The following DENND11 variants were observed in gnomAD, a reference collection of about 807,000 sequenced individuals.
DENND11 encodes DENN domain containing 11.
DENND11 carries 34 observed loss-of-function variants against 49.2 expected under a neutral mutation model. That is an observed-to-expected ratio of 0.69 (90% confidence interval 0.53 to 0.92). The LOEUF (loss-of-function observed/expected upper bound fraction) is 0.92, where lower values mean the gene tolerates loss of function less well. Among genes scored for constraint, DENND11 ranks in the 40% least tolerant of loss-of-function variants. The probability of loss-of-function intolerance (pLI) is 0.00; values close to 1 mark genes in which losing one functional copy is unlikely to be tolerated. For missense variants in DENND11, 475 were observed against 581.6 expected (o/e 0.82, Z 1.88); for synonymous variants, 238 against 230.3 (o/e 1.03, Z -0.30).
intron 3 of DENND11, among the ~76,000 whole-genome samples, chr7:141,675,543 G>C (rs1313429986): frequency 1.3e-5 from 2 of 152,108 alleles, no homozygotes; most frequent in African/African-American, 4.8e-5. Flanking sequence ...CTGAGCAAGG[G>C]AAACATCCCT....
chr7:141,679,832 C>T (rs1798122174), intron 3 of DENND11, among the ~76,000 whole-genome samples: 1 of 151,956 alleles, frequency 6.6e-6, no homozygotes, highest in South Asian at 2.1e-4. Flanking sequence ...AGGTGCTTAA[C>T]CTCACTTATA....
chr7:141,700,751 CTG>C (rs1165599357), intron 1 of DENND11, among the ~76,000 whole-genome samples: 1 of 152,130 alleles, frequency 6.6e-6, no homozygotes, highest in African/African-American at 2.4e-5. Context: ...CACATTCTTC[CTG>C]TGTCCTACAG....
At chr7:141,697,728 CCTCCATCAT>C (rs1183032365) in intron 1 of DENND11, among the ~76,000 whole-genome samples, 2 of 152,074 alleles carry the variant, frequency 1.3e-5, no homozygotes, top group Admixed American at 6.5e-5. Flanking sequence ...TCTCACTGGG[CCTCCATCAT>C]CTCCATTGTT....
intron 1 of DENND11, among the ~76,000 whole-genome samples, chr7:141,694,890 C>T (rs908860623): frequency 3.3e-5 from 5 of 152,170 alleles, no homozygotes; most frequent in African/African-American, 1.2e-4. Flanking sequence ...GCACCTCTAG[C>T]GTCACAGTTT....
chr7:141,691,468 T>TC (rs1333310478), intron 1 of DENND11, among the ~76,000 whole-genome samples: 3 of 152,214 alleles, frequency 2.0e-5, no homozygotes, highest in Non-Finnish European at 4.4e-5. Context: ...GAAGATAAAG[T>TC]CCCCATTCCT....
chr7:141,662,871 C>T lies in DENND11; in HGVS notation c.1173-20G>A. Reference sequence around the variant, plus strand: ...AAAAACCTGCATTTGGAAGACAAGACACAGGAAAGGAAGCGGGGGGGAATA... The same window carrying T: ...AAAAACCTGCATTTGGAAGACAAGATACAGGAAAGGAAGCGGGGGGGAATA... On this transcript the variant is annotated intron_variant, in intron 8 of 8. Transcript: ENST00000536163. 1 of 1,511,216 alleles carries T rather than the reference C, an allele frequency of 6.6e-7. No individual in the cohort carries two copies. The highest frequency in any genetic ancestry group is 2.5e-5 in the East Asian group (1 of 40,112). 93.6% of individuals were successfully genotyped at this position (1,511,216 alleles called of 1,614,324 possible). A position where few individuals can be genotyped will look rare whatever the true frequency, so the allele number is the denominator to read the frequency against.
chr7:141,662,827 C>T lies in DENND11; in HGVS notation c.1197G>A (p.Arg399=). The stretch of plus-strand genomic sequence containing the variant: ...ACACCTCCAACAAAGTCTGAAATAT[C>T]CGGTTGTTTTGTTCTAGGAAAAACC... The part of the protein sequence containing the change: ...FVLFFLEQNN[R]IFQTLLEVSA... The change falls in exon 9 of 9, where the codon CGG becomes CGA. Residue 399 remains arginine (R), a synonymous_variant. Transcript: ENST00000536163. 5 of 1,571,832 alleles carry T rather than the reference C, an allele frequency of 3.2e-6. No homozygotes were observed. In the South Asian group the frequency reaches 3.5e-5, roughly 11 times the overall value.
At chr7:141,666,551 G>T in intron 4 of DENND11, 126 bp from the exon 5 acceptor site, 1 of 899,432 alleles carries the variant, frequency 1.1e-6, no homozygotes, top group Non-Finnish European at 1.6e-6. Context: ...ATTAAAGGAT[G>T]CTTATTTCCA....
At position 141,662,815 on chromosome 7, in the gene DENND11, A is replaced by C. The variant is rs755674068; in HGVS notation, c.1209T>G (p.Thr403=). The change falls in exon 9 of 9, where the codon ACT becomes ACG. Residue 403 remains threonine, a synonymous_variant. Coordinates refer to ENST00000536163, the MANE Select transcript of DENND11 (RefSeq NM_001080392.2). ...FLEQNNRIFQ[T]LLEVSASQDK... ...CTTGACTGGCAGACACCTCCAACAA[A>C]GTCTGAAATATCCGGTTGTTTTGTT... 3.8e-6 allele frequency: 6 copies of C among 1,585,548 alleles called. No homozygotes were observed. The South Asian group carries it at 6.9e-5, about 18-fold the overall frequency.
At chr7:141,683,030 G>C (rs1007460243) in intron 3 of DENND11, among the ~76,000 whole-genome samples, 1 of 149,232 alleles carries the variant, frequency 6.7e-6, no homozygotes, top group African/African-American at 2.5e-5. Flanking sequence ...AGCTCCAAAA[G>C]GTAGAGGAGC....
intron 5 of DENND11, 105 bp downstream of exon 5, chr7:141,666,182 C>T: frequency 7.7e-7 from 1 of 1,296,766 alleles, no homozygotes; most frequent in South Asian, 1.8e-5. Flanking sequence ...ACCCCATCCC[C>T]TGGATGTGGC....
chr7:141,689,022 A>G (rs1162849339), intron 1 of DENND11, among the ~76,000 whole-genome samples: 8 of 152,172 alleles, frequency 5.3e-5, no homozygotes, highest in Admixed American at 5.2e-4. Flanking sequence ...CACGCCACAC[A>G]TTACGGGGTT....
Position 141,662,763 on chromosome 7 carries a change from G to A in DENND11, c.1261C>T (p.Arg421Trp), listed in dbSNP as rs770098512. Residue 421 changes from arginine (R) to tryptophan (W), a missense_variant, in exon 9 of 9, where the codon CGG (arginine) becomes TGG (tryptophan). Physicochemically the swap from Arg to Trp is moderately radical, Grantham distance 101. Coordinates refer to ENST00000536163, the MANE Select transcript of DENND11 (RefSeq NM_001080392.2). ...QDKTLTAEHA[R>W]GMGLDPQGDR... ...CCTTGGGGGTCTAGGCCCATGCCCCGGGCATGCTCTGCTGTCAGAGTTTTG... is the reference window on the plus strand; with the variant it reads ...CCTTGGGGGTCTAGGCCCATGCCCCAGGCATGCTCTGCTGTCAGAGTTTTG... 2.3e-5 allele frequency: 37 copies of A among 1,609,490 alleles called. No individual in the cohort carries two copies. The highest frequency in any genetic ancestry group is 3.4e-5 in the Admixed American group (2 of 59,320).
At chr7:141,695,413 A>C (rs945365031) in intron 1 of DENND11, among the ~76,000 whole-genome samples, 2 of 117,750 alleles carry the variant, frequency 1.7e-5, no homozygotes, top group African/African-American at 5.3e-5. Context: ...AATTGAGGCA[A>C]TGCACCACAC....
intron 1 of DENND11, among the ~76,000 whole-genome samples, chr7:141,698,515 T>G (rs896891538): frequency 1.3e-5 from 2 of 152,156 alleles, no homozygotes; most frequent in African/African-American, 4.8e-5. Flanking sequence ...TAAGCCTCAC[T>G]TTGAACCTGA....
intron 3 of DENND11, among the ~76,000 whole-genome samples, chr7:141,683,785 T>G (rs985119244): frequency 8.5e-5 from 13 of 152,158 alleles, no homozygotes; most frequent in African/African-American, 3.1e-4. Flanking sequence ...GAACAATATC[T>G]ATAGCATCCT....
At chr7:141,678,191 G>A (rs1382148638) in intron 3 of DENND11, among the ~76,000 whole-genome samples, 1 of 152,156 alleles carries the variant, frequency 6.6e-6, no homozygotes, top group African/African-American at 2.4e-5. Context: ...TCGAACTCCT[G>A]AGCTCAGGCA....
At chr7:141,689,026 C>T (rs1037590881) in intron 1 of DENND11, among the ~76,000 whole-genome samples, 3 of 152,190 alleles carry the variant, frequency 2.0e-5, no homozygotes, top group Non-Finnish European at 4.4e-5. Flanking sequence ...CCACACATTA[C>T]GGGGTTCAGC....
rs889763429 is a variant in DENND11, at chr7:141,677,037, C to A, written c.528-2817G>T. On this transcript the variant is annotated intron_variant, in intron 3 of 8. Coordinates refer to ENST00000536163, the MANE Select transcript of DENND11 (RefSeq NM_001080392.2). ...CAGATGCCCAGTGCAACTGACCCTGCCTGTCCCTACCACACTGGCAATAAT... is the reference window on the plus strand; with the variant it reads ...CAGATGCCCAGTGCAACTGACCCTGACTGTCCCTACCACACTGGCAATAAT... 1.8e-4 allele frequency among the ~76,000 whole-genome samples: 28 copies of A among 152,308 alleles called. No individual in the cohort carries two copies. The East Asian group carries it at 4.4e-3, about 24-fold the overall frequency.
Sources: allele counts gnomAD v4.1 joint callset (sites outside exome capture counted in the v4.1 genomes callset), GRCh38; gene constraint gnomAD v4.1.1; transcripts MANE v1.5; gene names NCBI Gene and HGNC (gene_info 2026-07-23, HGNC 2026-07-21).